BRINP3: variants seen among roughly 807,000 people sequenced by gnomAD.
BRINP3 encodes BMP/retinoic acid-inducible neural-specific protein 3.
In BRINP3, 19 loss-of-function variants were observed where a neutral mutation model predicts 71.0. That is an observed-to-expected ratio of 0.27 (90% CI 0.19 to 0.39). BRINP3 has a LOEUF of 0.39. Among genes scored for constraint, BRINP3 ranks in the 10% least tolerant of loss-of-function variants. BRINP3 has a pLI of 1.00. For missense variants in BRINP3, 959 were observed against 940.8 expected, an observed-to-expected ratio of 1.02 and a Z score of -0.25; for synonymous variants, 380 against 337.7, an observed-to-expected ratio of 1.13 and a Z score of -1.37.
At position 190,301,196 on chromosome 1, in the gene BRINP3, TAC is replaced by T. The variant is rs1558160520; in HGVS notation, c.237-19448_237-19447del. ...ATATACATATATATATGTATATATATACACATACATATATATATATATATATA... is the reference window on the plus strand; with the variant it reads ...ATATACATATATATATGTATATATATACATACATATATATATATATATATA... On this transcript the variant is annotated intron_variant, in intron 2 of 7. Transcript: ENST00000367462. Among the ~76,000 whole-genome samples the T allele has an allele frequency of 7.7e-3, 283 of 36,592 alleles. 2 individuals carry two copies. Among genetic ancestry groups the T allele is most frequent in the African/African-American group, 0.013 (204 of 16,080 alleles). 24.0% of individuals were successfully genotyped at this position (36,592 alleles called of 152,430 possible).
intron 7 of BRINP3, among the ~76,000 whole-genome samples, chr1:190,137,525 A>G (rs1365387366): frequency 1.3e-5 from 2 of 152,106 alleles, no homozygotes; most frequent in Non-Finnish European, 2.9e-5. Flanking sequence ...ATTGTCTGGA[A>G]TGATAATGGT....
In BRINP3 at chr1:190,457,316, C is replaced by T. The variant is rs375685382; in HGVS notation, c.-50-2376G>A. On this transcript the variant is annotated intron_variant, in intron 1 of 7. Coordinates refer to ENST00000367462, the MANE Select transcript of BRINP3 (RefSeq NM_199051.3). ...AAAATTAGCCAGGCAGGGTGGCACA[C>T]ATCTGTAATCCTGGCTATTCTAGAT... 3.9e-5 allele frequency among the ~76,000 whole-genome samples: 6 copies of T among 152,176 alleles called. No homozygotes were observed. In the East Asian group the frequency reaches 1.2e-3, roughly 29 times the overall value.
At chr1:190,275,120 T>C (rs983734739) in intron 3 of BRINP3, among the ~76,000 whole-genome samples, 3 of 151,598 alleles carry the variant, frequency 2.0e-5, no homozygotes, top group African/African-American at 7.3e-5. Context: ...TCGATAGTAG[T>C]ACAATAACAT....
intron 1 of BRINP3, among the ~76,000 whole-genome samples, chr1:190,466,353 A>T (rs530654994): frequency 4.3e-4 from 66 of 151,894 alleles, no homozygotes; most frequent in African/African-American, 1.6e-3. Context: ...TTAACCAGGC[A>T]TACAAGGTGA....
chr1:190,263,318 T>C (rs1661355393), intron 4 of BRINP3, among the ~76,000 whole-genome samples: 1 of 152,148 alleles, frequency 6.6e-6, no homozygotes, highest in Non-Finnish European at 1.5e-5. Context: ...ATATTATTTA[T>C]ATACTTGTTA....
intron 6 of BRINP3, among the ~76,000 whole-genome samples, chr1:190,190,164 C>T (rs954744): frequency 0.12 from 18,753 of 151,990 alleles, 1,707 homozygotes; most frequent in South Asian, 0.26. Flanking sequence ...CCAGGGAGGG[C>T]GCAGAAACTT....
At chr1:190,265,879 A>G (rs183633757) in intron 3 of BRINP3, among the ~76,000 whole-genome samples, 1 of 152,196 alleles carries the variant, frequency 6.6e-6, no homozygotes, top group African/African-American at 2.4e-5. Flanking sequence ...ATGTATATAT[A>G]TGTAATAAAT....
chr1:190,186,039 A>G (rs1653487428), intron 6 of BRINP3, among the ~76,000 whole-genome samples: 1 of 152,066 alleles, frequency 6.6e-6, no homozygotes, highest in African/African-American at 2.4e-5. Flanking sequence ...AAATATATAC[A>G]ATTATTGTTT....
intron 6 of BRINP3, among the ~76,000 whole-genome samples, chr1:190,210,441 A>G (rs1655885620): frequency 6.6e-6 from 1 of 152,130 alleles, no homozygotes; most frequent in African/African-American, 2.4e-5. Context: ...TGAGTGAATT[A>G]TGAGTTCAAA....
intron 7 of BRINP3, among the ~76,000 whole-genome samples, chr1:190,101,240 C>A (rs570096299): frequency 6.6e-6 from 1 of 152,228 alleles, no homozygotes; most frequent in East Asian, 1.9e-4. Context: ...TAAATTCTCT[C>A]AAAAATTCTC....
At chr1:190,185,176 G>T (rs1484597138) in intron 6 of BRINP3, among the ~76,000 whole-genome samples, 2 of 152,076 alleles carry the variant, frequency 1.3e-5, no homozygotes, top group Admixed American at 6.6e-5. Context: ...GCAAGCCATA[G>T]AATGGGAGAA....
intron 2 of BRINP3, among the ~76,000 whole-genome samples, chr1:190,314,048 G>T (rs375877692): frequency 6.6e-6 from 1 of 151,638 alleles, no homozygotes; most frequent in Non-Finnish European, 1.5e-5. Flanking sequence ...GTATTTTTTC[G>T]CAAAATTATC....
intron 2 of BRINP3, among the ~76,000 whole-genome samples, chr1:190,424,188 T>A (rs552867681): frequency 6.6e-6 from 1 of 151,726 alleles, no homozygotes; most frequent in Non-Finnish European, 1.5e-5. Flanking sequence ...ATGTTGTGAG[T>A]TCTAACCTTC....
intron 7 of BRINP3, among the ~76,000 whole-genome samples, chr1:190,116,678 C>T (rs1653160850): frequency 6.6e-6 from 1 of 151,980 alleles, no homozygotes; most frequent in African/African-American, 2.4e-5. Context: ...AATAGATTTT[C>T]TGATCCAAAA....
intron 2 of BRINP3, among the ~76,000 whole-genome samples, chr1:190,297,995 G>A (rs1664384295): frequency 6.6e-6 from 1 of 152,082 alleles, no homozygotes; most frequent in African/African-American, 2.4e-5. Context: ...TTTATTTGGA[G>A]TTTTTAAAAT....
intron 6 of BRINP3, among the ~76,000 whole-genome samples, chr1:190,212,288 C>A (rs1278108015): frequency 6.6e-6 from 1 of 152,008 alleles, no homozygotes; most frequent in Non-Finnish European, 1.5e-5. Context: ...AATGAAGTAG[C>A]CAAAATTTTA....
intron 1 of BRINP3, among the ~76,000 whole-genome samples, chr1:190,467,358 A>G (rs1676827469): frequency 6.6e-6 from 1 of 151,576 alleles, no homozygotes; most frequent in Non-Finnish European, 1.5e-5. Flanking sequence ...TCTAATGTAC[A>G]TTTTTTAAAA....
chr1:190,335,443 T>C lies in BRINP3; in HGVS notation c.237-53693A>G, dbSNP rs187419916. ...TAAATACTATACTAAAAAATGATAATTTTTTACTTACATGTAGATGTTTAA... is the reference window on the plus strand; with the variant it reads ...TAAATACTATACTAAAAAATGATAACTTTTTACTTACATGTAGATGTTTAA... On this transcript the variant is annotated intron_variant, in intron 2 of 7. Transcript: ENST00000367462. Among the ~76,000 whole-genome samples the C allele has an allele frequency of 5.1e-3, 781 of 151,966 alleles. 6 individuals are homozygous for C. Among genetic ancestry groups the C allele is most frequent in the Non-Finnish European group, 8.1e-3 (553 of 67,866 alleles).
chr1:190,315,068 G>A (rs1665791415), intron 2 of BRINP3, among the ~76,000 whole-genome samples: 1 of 152,056 alleles, frequency 6.6e-6, no homozygotes, highest in South Asian at 2.1e-4. Flanking sequence ...AGATTGAAGG[G>A]AGAGGGTAAA....
Sources: gnomAD v4.1 joint callset for allele counts (sites outside exome capture counted in the v4.1 genomes callset) on GRCh38, gnomAD v4.1.1 for gene constraint, MANE v1.5 for transcripts, NCBI Gene and HGNC (gene_info 2026-07-23, HGNC 2026-07-21) for gene names.